Variants in TMOD1 observed in about 807,000 individuals in gnomAD.
The protein encoded by TMOD1 is tropomodulin-1.
In TMOD1, 17 loss-of-function variants were observed where a neutral mutation model predicts 40.6. That is an observed-to-expected ratio of 0.42 (90% CI 0.29 to 0.63). TMOD1 has a LOEUF of 0.63. TMOD1 is among the 20% of genes least tolerant of loss of function. The pLI, the probability that TMOD1 is intolerant of heterozygous loss-of-function variation, is 0.22. For missense variants in TMOD1, 391 were observed against 447.6 expected (o/e 0.87, Z 1.14); for synonymous variants, 181 against 175.0 (o/e 1.03, Z -0.27).
At chr9:97,597,433 T>A (rs1826133295) in intron 9 of TMOD1, among the ~76,000 whole-genome samples, 2 of 150,274 alleles carry the variant, frequency 1.3e-5, no homozygotes, top group South Asian at 4.3e-4. Context: ...GTGGGGTGGC[T>A]CACGCCTGTA....
rs181786535 is a variant in TMOD1, at chr9:97,576,860, C to T, written c.870+7823C>T. On this transcript the variant is annotated intron_variant, in intron 8 of 9. Transcript: ENST00000259365. ...TTCACCATGTTAGCCAGGATGGTCTCGATCTCCTGACCTTGTGATCCGCCC... is the reference window on the plus strand; with the variant it reads ...TTCACCATGTTAGCCAGGATGGTCTTGATCTCCTGACCTTGTGATCCGCCC... Among the ~76,000 whole-genome samples, 148 of 152,026 alleles carry T rather than the reference C, an allele frequency of 9.7e-4. 1 individual carries two copies. The highest frequency in any genetic ancestry group is 1.7e-3 in the Admixed American group (26 of 15,268).
At position 97,565,936 on chromosome 9, in the gene TMOD1, G is replaced by C; in HGVS notation, c.707G>C (p.Ser236Thr). Residue 236 changes from serine to threonine, a missense_variant, in exon 7 of 10, where the codon AGT (serine) becomes ACT (threonine). Ser to Thr is a moderately conservative substitution (Grantham distance 58). Transcript: ENST00000259365. ...AAGTTCAGCATCGTGGGGACACGGA[G>C]TAATGACCCCGTGGCGTATGTATGT... ...VKKFSIVGTR[S>T]NDPVAYALAE... is the part of the protein sequence containing the mutation. 1.2e-6 allele frequency: 2 copies of C among 1,614,136 alleles called. No homozygotes were observed. Among genetic ancestry groups the C allele is most frequent in the Non-Finnish European group, 1.7e-6 (2 of 1,179,960 alleles).
At chr9:97,519,321 T>C (rs1035416194) in intron 1 of TMOD1, among the ~76,000 whole-genome samples, 4 of 152,210 alleles carry the variant, frequency 2.6e-5, no homozygotes, top group Non-Finnish European at 4.4e-5. Context: ...GTAAATTCTA[T>C]TTTTTCATAT....
At chr9:97,536,456 C>T (rs1200249305) in intron 2 of TMOD1, among the ~76,000 whole-genome samples, 3 of 152,056 alleles carry the variant, frequency 2.0e-5, no homozygotes, top group Non-Finnish European at 4.4e-5. Flanking sequence ...GGTTTCACTC[C>T]TACCCCAGGA....
chr9:97,537,614 G>T (rs1267108776), intron 2 of TMOD1, among the ~76,000 whole-genome samples: 1 of 152,142 alleles, frequency 6.6e-6, no homozygotes, highest in African/African-American at 2.4e-5. Context: ...CTGCACATCC[G>T]AGTTATAATT....
At chr9:97,525,237 G>A (rs1271610406) in intron 2 of TMOD1, among the ~76,000 whole-genome samples, 1 of 152,094 alleles carries the variant, frequency 6.6e-6, no homozygotes, top group Non-Finnish European at 1.5e-5. Context: ...ATATTATAAT[G>A]TAAAATTAAT....
chr9:97,571,401 T>C (rs759843560), intron 8 of TMOD1, among the ~76,000 whole-genome samples: 20 of 152,182 alleles, frequency 1.3e-4, no homozygotes, highest in Admixed American at 3.9e-4. Context: ...TTTCCTGGCT[T>C]GTAAAATGAG....
intron 8 of TMOD1, among the ~76,000 whole-genome samples, chr9:97,582,126 G>C (rs1207689923): frequency 6.6e-6 from 1 of 152,084 alleles, no homozygotes; most frequent in Non-Finnish European, 1.5e-5. Context: ...GGTTTTTATG[G>C]TTTTAGGTCT....
At chr9:97,523,799 G>C (rs937553418) in intron 1 of TMOD1, among the ~76,000 whole-genome samples, 13 of 152,152 alleles carry the variant, frequency 8.5e-5, no homozygotes, top group African/African-American at 3.1e-4. Flanking sequence ...CTGGGGTGTA[G>C]GGTGAAGGGT....
intron 7 of TMOD1, among the ~76,000 whole-genome samples, chr9:97,566,210 A>G (rs900180801): frequency 9.9e-5 from 15 of 152,158 alleles, no homozygotes; most frequent in African/African-American, 3.4e-4. Flanking sequence ...CACTTAAAAA[A>G]TCTAGGGTTC....
At chr9:97,508,387 G>A (rs1489035867) in intron 1 of TMOD1, among the ~76,000 whole-genome samples, 5 of 151,760 alleles carry the variant, frequency 3.3e-5, no homozygotes, top group East Asian at 1.9e-4. Context: ...ATGGGGTTTC[G>A]CCATGTTGGT....
intron 2 of TMOD1, among the ~76,000 whole-genome samples, chr9:97,528,163 A>G (rs1280958625): frequency 1.3e-5 from 2 of 152,160 alleles, no homozygotes; most frequent in Admixed American, 1.3e-4. Context: ...TTTCCCGCCC[A>G]GGTGATTAGC....
rs916982034 is a variant in TMOD1 at position 97,600,779 on chromosome 9, A to G, written c.*1081A>G. 9 of 1,014,760 alleles carry G rather than the reference A, an allele frequency of 8.9e-6. No individual in the cohort carries two copies. Among genetic ancestry groups the G allele is most frequent in the East Asian group, 2.1e-4 (2 of 9,502 alleles). 62.9% of individuals were successfully genotyped at this position (1,014,760 alleles called of 1,614,324 possible). On this transcript the variant is annotated 3_prime_UTR_variant, in exon 10 of 10. Coordinates refer to ENST00000259365, the MANE Select transcript of TMOD1 (RefSeq NM_003275.4). Reference sequence around the variant, plus strand: ...GGCCAAACCACCCCAAGATGATTACACTGAAATGTAGTATTAGTACTGCTG... The same window carrying G: ...GGCCAAACCACCCCAAGATGATTACGCTGAAATGTAGTATTAGTACTGCTG...
chr9:97,578,258 T>C (rs1825656156), intron 8 of TMOD1, among the ~76,000 whole-genome samples: 1 of 152,206 alleles, frequency 6.6e-6, no homozygotes, highest in Admixed American at 6.5e-5. Flanking sequence ...GTTTACCATG[T>C]TGGCCAGGAT....
intron 5 of TMOD1, among the ~76,000 whole-genome samples, chr9:97,563,190 G>A (rs1438316897): frequency 6.6e-6 from 1 of 152,108 alleles, no homozygotes; most frequent in Admixed American, 6.6e-5. Flanking sequence ...AGTAGCTGAG[G>A]CTACAGGTGT....
intron 3 of TMOD1, among the ~76,000 whole-genome samples, chr9:97,551,015 T>TATATATATATATATA (rs1491279262): frequency 3.9e-4 from 2 of 5,146 alleles, no homozygotes; most frequent in Admixed American, 1.4e-3. Flanking sequence ...TATATATATA[T>TATATATATATATATA]TTTTTTTTTT....
intron 3 of TMOD1, among the ~76,000 whole-genome samples, chr9:97,552,917 T>C (rs1018372581): frequency 2.0e-5 from 3 of 152,240 alleles, no homozygotes; most frequent in Non-Finnish European, 4.4e-5. Context: ...TATACATTTT[T>C]CTCTCATTTC....
intron 2 of TMOD1, among the ~76,000 whole-genome samples, chr9:97,544,270 G>A (rs1224999775): frequency 6.6e-6 from 1 of 152,200 alleles, no homozygotes; most frequent in African/African-American, 2.4e-5. Context: ...AGATGTGGTG[G>A]TTCATGCCTG....
intron 3 of TMOD1, among the ~76,000 whole-genome samples, chr9:97,551,380 A>G (rs1001834029): frequency 2.0e-5 from 3 of 152,152 alleles, no homozygotes; most frequent in African/African-American, 7.2e-5. Flanking sequence ...TCAACTTTAC[A>G]TATGGTGTGA....
Sources: gnomAD v4.1 joint callset for allele counts (sites outside exome capture counted in the v4.1 genomes callset) on GRCh38, gnomAD v4.1.1 for gene constraint, MANE v1.5 for transcripts, NCBI Gene and HGNC (gene_info 2026-07-23, HGNC 2026-07-21) for gene names.